Variants in NSF observed in about 807,000 individuals in gnomAD.
NSF encodes N-ethylmaleimide sensitive factor, vesicle fusing ATPase.
A neutral mutation model predicts 50.3 loss-of-function variants in NSF; 14 were observed. The observed-to-expected ratio is 0.28, with a 90% CI of 0.18 to 0.44. The LOEUF is 0.44. Among genes scored for constraint, NSF ranks in the 20% least tolerant of loss-of-function variants. NSF has a pLI of 1.00. For synonymous variants in NSF, 109 were observed against 175.7 expected (o/e 0.62, Z 3.00); for missense variants, 218 against 504.3 (o/e 0.43, Z 5.44).
intron 17 of NSF, among the ~76,000 whole-genome samples, chr17:46,746,119 GTCTT>G (rs2059125120): frequency 6.6e-6 from 1 of 152,150 alleles, no homozygotes. Context: ...TTTTGCATCT[GTCTT>G]TCTGTGGAAG....
chr17:46,726,468 C>T (rs2058890658), intron 15 of NSF, 81 bp from the exon 16 acceptor site: 2 of 1,268,912 alleles, frequency 1.6e-6, no homozygotes, highest in Admixed American at 3.4e-5. Context: ...TTTAGTATTG[C>T]TCAAGAAGTA....
intron 12 of NSF, among the ~76,000 whole-genome samples, chr17:46,695,247 A>G (rs1391283064): frequency 6.8e-6 from 1 of 146,406 alleles, no homozygotes; most frequent in African/African-American, 2.6e-5. Context: ...TTCCGTCTCC[A>G]AAAAAAAAAA....
At position 46,756,195 on chromosome 17, in the gene NSF, A is replaced by G; in HGVS notation, c.*372A>G. ...CAGTCAGTGTCATGAATGTTGCATG[A>G]CAACAGTTGGCCGATTAGAAGGCAG... On this transcript the variant is annotated 3_prime_UTR_variant, in exon 21 of 21. Coordinates refer to ENST00000398238, the MANE Select transcript of NSF (RefSeq NM_006178.4). 5.5e-6 allele frequency: 1 copy of G among 180,336 alleles called. No individual in the cohort carries two copies. The allele number at this position is 180,336 out of a possible 1,614,324, so 11.2% of individuals were successfully genotyped here. A position where few individuals can be genotyped will look rare whatever the true frequency, so the allele number is the denominator to read the frequency against.
rs1035372086 is a variant in NSF at position 46,757,264 on chromosome 17, T to C, written c.*1441T>C. ...TAAAGAAGTGGATTGTATTGTGAGATCCTGTGATTCCTGGTGGCCAGTATC... is the reference window on the plus strand; with the variant it reads ...TAAAGAAGTGGATTGTATTGTGAGACCCTGTGATTCCTGGTGGCCAGTATC... On this transcript the variant is annotated 3_prime_UTR_variant, in exon 21 of 21. Transcript: ENST00000398238. The C allele has an allele frequency of 6.6e-6, 1 of 152,536 alleles. No individual in the cohort carries two copies. Among genetic ancestry groups the C allele is most frequent in the African/African-American group, 2.4e-5 (1 of 41,460 alleles). The allele number at this position is 152,536 out of a possible 1,614,324, so 9.4% of individuals were successfully genotyped here. A position where few individuals can be genotyped will look rare whatever the true frequency, so the allele number is the denominator to read the frequency against.
chr17:46,704,870 G>A lies in NSF; in HGVS notation c.1470+16G>A. ...TATCAAACCAGTGAGTATGCCCATT[G>A]AGTGATATATAGGCCAAAAAGTAAT... On this transcript the variant is annotated intron_variant, in intron 13 of 20. Transcript: ENST00000398238. 1.3e-6 allele frequency: 2 copies of A among 1,592,914 alleles called. No homozygotes were observed. Among genetic ancestry groups the A allele is most frequent in the Middle Eastern group, 1.7e-4 (1 of 6,004 alleles).
chr17:46,696,437 G>T (rs1171931008), intron 12 of NSF, among the ~76,000 whole-genome samples: 1 of 138,268 alleles, frequency 7.2e-6, no homozygotes, highest in Non-Finnish European at 1.5e-5. Context: ...TGGTCAACTT[G>T]TGGGGTGAGA....
intron 15 of NSF, among the ~76,000 whole-genome samples, chr17:46,717,821 T>A (rs1419642310): frequency 6.6e-6 from 1 of 152,002 alleles, no homozygotes; most frequent in African/African-American, 2.4e-5. Flanking sequence ...GTGACGGAAA[T>A]CACGCTTAAC....
intron 17 of NSF, among the ~76,000 whole-genome samples, chr17:46,737,857 G>A (rs768813637): frequency 2.0e-5 from 3 of 151,788 alleles, no homozygotes; most frequent in South Asian, 2.1e-4. Flanking sequence ...GAATTCAAGC[G>A]CTGCAGCAAT....
In NSF at chr17:46,749,803, A is replaced by G. The variant is rs2059164600; in HGVS notation, c.1939A>G (p.Ser647Gly). ...GRKLLIIGTTSRKDVLQEMEM... is the reference protein window; with the variant it reads ...GRKLLIIGTTGRKDVLQEMEM... The stretch of plus-strand genomic sequence containing the variant: ...CAAGCTTCTTATCATTGGGACCACT[A>G]GCCGCAAAGATGTCCTTCAGGAGAT... The change falls in exon 18 of 21, where the codon AGC (serine) becomes GGC (glycine). Residue 647 changes from serine to glycine, a missense_variant. Around this residue, in one of 2 missense-constraint regions of NSF, gnomAD observed 209 missense variants for 320.9 expected, o/e 0.65. Coordinates refer to ENST00000398238, the MANE Select transcript of NSF (RefSeq NM_006178.4). 6.2e-7 allele frequency: 1 copy of G among 1,613,946 alleles called. No homozygotes were observed. The highest frequency in any genetic ancestry group is 1.1e-5 in the South Asian group (1 of 91,068).
intron 12 of NSF, among the ~76,000 whole-genome samples, chr17:46,696,375 G>A (rs578058376): frequency 2.1e-5 from 3 of 140,862 alleles, no homozygotes; most frequent in Non-Finnish European, 1.5e-5. Flanking sequence ...AACCCTCCAC[G>A]TGCAGTAACA....
At chr17:46,717,816 G>T (rs1598710323) in intron 15 of NSF, among the ~76,000 whole-genome samples, 1 of 152,134 alleles carries the variant, frequency 6.6e-6, no homozygotes, top group Non-Finnish European at 1.5e-5. Flanking sequence ...ACAAGGTGAC[G>T]GAAATCACGC....
At chr17:46,744,116 G>A (rs556865415) in intron 17 of NSF, among the ~76,000 whole-genome samples, 1 of 152,240 alleles carries the variant, frequency 6.6e-6, no homozygotes, top group East Asian at 1.9e-4. Context: ...GCCATGATTA[G>A]TTTGTATTTG....
rs1484202077 is a variant in NSF, at chr17:46,696,357, C to T, written c.1374+1695C>T. ...GTAAAGTACCTACCATTAAGCTGCC[C>T]TCAGTCTAACCCTCCACGTGCAGTA... On this transcript the variant is annotated intron_variant, in intron 12 of 20. Coordinates refer to ENST00000398238, the MANE Select transcript of NSF (RefSeq NM_006178.4). Among the ~76,000 whole-genome samples, 26 of 140,816 alleles carry T rather than the reference C, an allele frequency of 1.8e-4. 3 individuals carry two copies. Among genetic ancestry groups the T allele is most frequent in the Admixed American group, 7.4e-4 (10 of 13,592 alleles). 92.4% of individuals were successfully genotyped at this position (140,816 alleles called of 152,430 possible). A position where few individuals can be genotyped will look rare whatever the true frequency, so the allele number is the denominator to read the frequency against.
chr17:46,732,507 T>G (rs2058959978), intron 17 of NSF, among the ~76,000 whole-genome samples: 1 of 152,222 alleles, frequency 6.6e-6, no homozygotes. Flanking sequence ...TCTTTGAATT[T>G]TAAATTTTTC....
At position 46,719,565 on chromosome 17, in the gene NSF, T is replaced by TG. The variant is rs1231157085; in HGVS notation, c.1761+5585dup. Among the ~76,000 whole-genome samples the TG allele has an allele frequency of 5.3e-5, 8 of 152,192 alleles. No individual in the cohort carries two copies. Among genetic ancestry groups the TG allele is most frequent in the Admixed American group, 4.6e-4 (7 of 15,268 alleles). Reference sequence around the variant, plus strand: ...TGTATGAGGTATTGTCCTCACGTTCTGGGGGGTATACCATATGTTCCATTA... The same window carrying TG: ...TGTATGAGGTATTGTCCTCACGTTCTGGGGGGGTATACCATATGTTCCATTA... On this transcript the variant is annotated intron_variant, in intron 15 of 20. Coordinates refer to ENST00000398238, the MANE Select transcript of NSF (RefSeq NM_006178.4). This position sits in a 1 kb window ranked among gnomAD's most constrained non-coding sequence, Gnocchi z 4.3.
chr17:46,710,830 G>C, intron 13 of NSF, 133 bp from the exon 14 acceptor site: 1 of 733,622 alleles, frequency 1.4e-6, no homozygotes, highest in Non-Finnish European at 2.0e-6. Flanking sequence ...AAGTTGTTTT[G>C]CTTTCCAGGC....
Position 46,755,356 on chromosome 17 carries a change from A to G in NSF, c.2200A>G (p.Arg734Gly). 1 of 1,613,518 alleles carries G rather than the reference A, an allele frequency of 6.2e-7. No individual in the cohort carries two copies. The highest frequency in any genetic ancestry group is 8.5e-7 in the Non-Finnish European group (1 of 1,179,376). ...YRVRKFLALL[R>G]EEGASPLDFD ...TGTGAGAAAATTCTTGGCCCTCTTA[A>G]GAGAAGAAGGAGCGTAAGTACATAC... The change falls in exon 20 of 21, where the codon AGA (arginine) becomes GGA (glycine). Residue 734 changes from arginine to glycine, a missense_variant. Coordinates refer to ENST00000398238, the MANE Select transcript of NSF (RefSeq NM_006178.4).
chr17:46,732,048 T>C (rs1244400835), intron 17 of NSF, among the ~76,000 whole-genome samples: 1 of 152,226 alleles, frequency 6.6e-6, no homozygotes, highest in Non-Finnish European at 1.5e-5. Context: ...TTCAGATGTT[T>C]TTAATTAAAT....
chr17:46,732,600 A>AT (rs1361423237), intron 17 of NSF, among the ~76,000 whole-genome samples: 1 of 152,172 alleles, frequency 6.6e-6, no homozygotes, highest in Non-Finnish European at 1.5e-5. Context: ...TTCATGATTG[A>AT]TTTATTAGCC....
Sources: allele counts gnomAD v4.1 joint callset (sites outside exome capture counted in the v4.1 genomes callset), GRCh38; gene constraint gnomAD v4.1.1; regional missense constraint gnomAD v4.1.1; non-coding constraint Gnocchi (gnomAD v3.1); transcripts MANE v1.5; gene names NCBI Gene and HGNC (gene_info 2026-07-23, HGNC 2026-07-21).